The following ELMO1 variants were observed in gnomAD, a reference collection of about 807,000 sequenced individuals.
ELMO1 encodes the protein engulfment and cell motility 1.
ELMO1 carries 26 observed loss-of-function variants against 98.9 expected under a neutral mutation model. The observed-to-expected ratio is 0.26, with a 90% CI of 0.19 to 0.36. The LOEUF (loss-of-function observed/expected upper bound fraction) is 0.36. Ranked by LOEUF, ELMO1 falls within the 10% of genes least tolerant of loss-of-function variation. The pLI is 1.00. For missense variants in ELMO1, 627 were observed against 935.2 expected (o/e 0.67, Z 4.30); for synonymous variants, 346 against 346.0 (o/e 1.00, Z 0.00).
chr7:37,307,078 C>G (rs1268505459), intron 4 of ELMO1, among the ~76,000 whole-genome samples: 1 of 152,170 alleles, frequency 6.6e-6, no homozygotes. Context: ...CTCATTGCAG[C>G]ACATTAACTG....
intron 16 of ELMO1, among the ~76,000 whole-genome samples, chr7:36,959,874 T>C (rs1182916141): frequency 1.3e-5 from 2 of 151,962 alleles, no homozygotes; most frequent in Non-Finnish European, 2.9e-5. Context: ...AGAGATAGGG[T>C]TTCACCATTT....
chr7:37,200,737 G>C (rs561178887), intron 13 of ELMO1, among the ~76,000 whole-genome samples: 3 of 152,078 alleles, frequency 2.0e-5, no homozygotes, highest in African/African-American at 7.2e-5. Flanking sequence ...AGGCCAAGGC[G>C]GGTGGGTCGC....
intron 1 of ELMO1, among the ~76,000 whole-genome samples, chr7:37,376,786 C>A (rs1030156760): frequency 5.3e-5 from 8 of 152,320 alleles, no homozygotes; most frequent in Admixed American, 5.2e-4. Context: ...TAACTAAACT[C>A]ATTCCCTATT....
At chr7:37,255,643 TA>T (rs1773182442) in intron 6 of ELMO1, among the ~76,000 whole-genome samples, 2 of 152,268 alleles carry the variant, frequency 1.3e-5, no homozygotes, top group South Asian at 4.1e-4. Context: ...TAACCGTAAT[TA>T]CAATTGCAAT....
intron 16 of ELMO1, among the ~76,000 whole-genome samples, chr7:37,003,019 T>G (rs541203041): frequency 6.6e-6 from 1 of 152,208 alleles, no homozygotes; most frequent in Non-Finnish European, 1.5e-5. Context: ...CCGATTGATA[T>G]CTGAGCTGAT....
chr7:37,406,422 G>A (rs1803765767), intron 1 of ELMO1, among the ~76,000 whole-genome samples: 1 of 146,116 alleles, frequency 6.8e-6, no homozygotes, highest in South Asian at 2.2e-4. Context: ...TGAAAGTGAG[G>A]AAGTAAGAAA....
chr7:37,135,767 C>T (rs1787227861), intron 13 of ELMO1, among the ~76,000 whole-genome samples: 1 of 152,060 alleles, frequency 6.6e-6, no homozygotes, highest in Admixed American at 6.6e-5. Flanking sequence ...CTTAGTCTAC[C>T]CAAATGAGAG....
At chr7:36,920,147 T>C (rs183394275) in intron 16 of ELMO1, among the ~76,000 whole-genome samples, 1 of 152,356 alleles carries the variant, frequency 6.6e-6, no homozygotes, top group East Asian at 1.9e-4. Context: ...ATATGCCCCT[T>C]GGCCAGGCCA....
intron 16 of ELMO1, among the ~76,000 whole-genome samples, chr7:37,010,289 G>T (rs908881876): frequency 6.6e-6 from 1 of 152,142 alleles, no homozygotes; most frequent in Non-Finnish European, 1.5e-5. Context: ...ATACACACTG[G>T]AAATAGGCAG....
At chr7:37,441,667 C>T (rs1172088425) in intron 1 of ELMO1, among the ~76,000 whole-genome samples, 1 of 152,160 alleles carries the variant, frequency 6.6e-6, no homozygotes, top group African/African-American at 2.4e-5. Context: ...GTAAAGGTTA[C>T]AGTTAAGGCA....
chr7:37,114,053 C>G (rs768211290), intron 14 of ELMO1, among the ~76,000 whole-genome samples: 1 of 152,188 alleles, frequency 6.6e-6, no homozygotes, highest in African/African-American at 2.4e-5. Flanking sequence ...GATAGAAGGA[C>G]GTAAGGCTGG....
chr7:37,321,953 G>A (rs975707683), intron 2 of ELMO1, among the ~76,000 whole-genome samples: 3 of 144,366 alleles, frequency 2.1e-5, no homozygotes, highest in African/African-American at 5.1e-5. Context: ...CCCACCTCCC[G>A]AGTTCAAGTG....
intron 16 of ELMO1, 69 bp from the exon 17 acceptor site, chr7:36,895,086 G>A: frequency 6.3e-7 from 1 of 1,576,448 alleles, no homozygotes; most frequent in Admixed American, 1.7e-5. Flanking sequence ...GTCTTTCCGA[G>A]TTAAGGGCTC....
chr7:37,429,813 G>A (rs1804858511), intron 1 of ELMO1: 1 of 152,312 alleles, frequency 6.6e-6, no homozygotes, highest in Admixed American at 6.5e-5. Context: ...TGGAACTAGA[G>A]GGAAGAGGGA....
intron 1 of ELMO1, among the ~76,000 whole-genome samples, chr7:37,377,764 C>T (rs1297956770): frequency 6.6e-6 from 1 of 152,134 alleles, no homozygotes; most frequent in Non-Finnish European, 1.5e-5. Context: ...TCCTCCAAGG[C>T]TGTTTGCTAT....
At chr7:37,158,193 C>T (rs946936907) in intron 13 of ELMO1, among the ~76,000 whole-genome samples, 9 of 152,110 alleles carry the variant, frequency 5.9e-5, no homozygotes, top group Admixed American at 5.9e-4. Flanking sequence ...GACCTAACAC[C>T]ATACAAACCC....
chr7:37,398,883 TC>T (rs1368891855), intron 1 of ELMO1, among the ~76,000 whole-genome samples: 3 of 152,134 alleles, frequency 2.0e-5, no homozygotes, highest in African/African-American at 7.2e-5. Flanking sequence ...GGCACCCTGT[TC>T]CTGCAGGCCA....
intron 16 of ELMO1, among the ~76,000 whole-genome samples, chr7:36,917,424 C>T (rs1784790333): frequency 6.6e-6 from 1 of 152,050 alleles, no homozygotes; most frequent in Admixed American, 6.5e-5. Flanking sequence ...ACCTCTGAAA[C>T]TGACAAGGGC....
chr7:37,205,241 G>A (rs898086091), intron 13 of ELMO1, among the ~76,000 whole-genome samples: 1 of 152,188 alleles, frequency 6.6e-6, no homozygotes, highest in Non-Finnish European at 1.5e-5. Context: ...TTATGTCCTA[G>A]AAAGTTGCTG....
Sources: gnomAD v4.1 joint callset for allele counts (sites outside exome capture counted in the v4.1 genomes callset) on GRCh38, gnomAD v4.1.1 for gene constraint, MANE v1.5 for transcripts, NCBI Gene and HGNC (gene_info 2026-07-23, HGNC 2026-07-21) for gene names.